SMCO3: variants seen among roughly 807,000 people sequenced by gnomAD.
SMCO3 encodes the protein single-pass membrane protein with coiled-coil domains 3, also known as single-pass membrane and coiled-coil domain-containing protein 3.
In SMCO3, 6 loss-of-function variants were observed where a neutral mutation model predicts 12.0. That is an observed-to-expected ratio of 0.50 (90% CI 0.27 to 0.99). SMCO3 has a LOEUF of 0.99. Among genes scored for constraint, SMCO3 ranks in the 50% least tolerant of loss-of-function variants. The pLI is 0.11. For synonymous variants in SMCO3, 96 were observed against 96.4 expected (o/e 1.00, Z 0.02); for missense variants, 279 against 265.0 (o/e 1.05, Z -0.37).
At chr12:14,809,689 G>C (rs1950106868) in intron 1 of SMCO3, among the ~76,000 whole-genome samples, 1 of 152,070 alleles carries the variant, frequency 6.6e-6, no homozygotes, top group African/African-American at 2.4e-5. Flanking sequence ...TCGGTATGGA[G>C]TGGGACTTTA....
chr12:14,809,503 T>A (rs1202541999), intron 1 of SMCO3, among the ~76,000 whole-genome samples: 13 of 152,184 alleles, frequency 8.5e-5, no homozygotes, highest in Non-Finnish European at 2.9e-5. Context: ...CCCTTCTATC[T>A]GTTTAATAAT....
At chr12:14,809,230 A>G (rs1950100099) in intron 1 of SMCO3, among the ~76,000 whole-genome samples, 1 of 152,236 alleles carries the variant, frequency 6.6e-6, no homozygotes, top group Admixed American at 6.5e-5. Flanking sequence ...AAATGGAGAA[A>G]TGAACCTTCC....
rs1950055316 is a variant in SMCO3, at chr12:14,806,605, G to A, written c.76C>T (p.Leu26Phe). 1 of 1,614,088 alleles carries A rather than the reference G, an allele frequency of 6.2e-7. No homozygotes were observed. The highest frequency in any genetic ancestry group is 8.5e-7 in the Non-Finnish European group (1 of 1,180,006). Residue 26 changes from leucine (L) to phenylalanine (F), a missense_variant, in exon 2 of 2, where the codon CTT becomes TTT. Physicochemically the swap from Leu to Phe is conservative, Grantham distance 22. Transcript: ENST00000316048. ...TCGAAGCTGTCAGATAAGCAATCAA[G>A]AAGCTGCTGGTGAAGACGATTTACT... The part of the protein sequence containing the change: ...EEVNRLHQQL[L>F]DCLSDSFDVT...
chr12:14,810,508 C>T (rs1350083485), intron 1 of SMCO3, among the ~76,000 whole-genome samples: 2 of 152,124 alleles, frequency 1.3e-5, no homozygotes, highest in Non-Finnish European at 2.9e-5. Context: ...ATGGTCCTTG[C>T]TTTTTTGGAA....
chr12:14,806,840 G>GT (rs1950059951), intron 1 of SMCO3, 144 bp from the exon 2 acceptor site: 4 of 785,910 alleles, frequency 5.1e-6, no homozygotes, highest in South Asian at 3.9e-5. Context: ...CACTCAACAA[G>GT]TTTTTTTAAA....
At chr12:14,810,597 A>C (rs778326540) in intron 1 of SMCO3, among the ~76,000 whole-genome samples, 2 of 152,230 alleles carry the variant, frequency 1.3e-5, no homozygotes, top group Non-Finnish European at 2.9e-5. Flanking sequence ...ACAAAATTAA[A>C]GGTACACTTG....
chr12:14,812,399 G>A (rs1247216172), intron 1 of SMCO3, among the ~76,000 whole-genome samples: 1 of 152,058 alleles, frequency 6.6e-6, no homozygotes, highest in South Asian at 2.1e-4. Flanking sequence ...AGCCGAGATT[G>A]TGCCACTGCA....
chr12:14,805,854 G>C lies in SMCO3; in HGVS notation c.*149C>G. ...GACTCAAAACTCATCTAGTCATCTA[G>C]TCTTGGCATCTCCAGTTTCCCTCTC... is the stretch of plus-strand genomic sequence containing the variant. On this transcript the variant is annotated 3_prime_UTR_variant, in exon 2 of 2. Coordinates refer to ENST00000316048, the MANE Select transcript of SMCO3 (RefSeq NM_001013698.2). 1.3e-6 allele frequency: 1 copy of C among 793,214 alleles called. No homozygotes were observed. Among genetic ancestry groups the C allele is most frequent in the Admixed American group, 2.9e-5 (1 of 34,246 alleles). 49.1% of individuals were successfully genotyped at this position (793,214 alleles called of 1,614,324 possible). A position where few individuals can be genotyped will look rare whatever the true frequency, so the allele number is the denominator to read the frequency against.
intron 1 of SMCO3, among the ~76,000 whole-genome samples, chr12:14,807,373 C>T (rs952011553): frequency 6.6e-6 from 1 of 152,178 alleles, no homozygotes; most frequent in African/African-American, 2.4e-5. Context: ...ATTACTAGTG[C>T]TCCTTAGTTT....
chr12:14,807,406 T>TGC (rs1173700832), intron 1 of SMCO3, among the ~76,000 whole-genome samples: 1 of 152,224 alleles, frequency 6.6e-6, no homozygotes, highest in Non-Finnish European at 1.5e-5. Context: ...GTCACCACAT[T>TGC]GACCACACCT....
At chr12:14,812,471 G>A (rs1373202537) in intron 1 of SMCO3, among the ~76,000 whole-genome samples, 7 of 151,780 alleles carry the variant, frequency 4.6e-5, no homozygotes, top group Non-Finnish European at 7.4e-5. Flanking sequence ...TATTGGTTAC[G>A]TATACTATTC....
intron 1 of SMCO3, among the ~76,000 whole-genome samples, chr12:14,813,072 T>C (rs1340944216): frequency 1.3e-5 from 2 of 152,208 alleles, no homozygotes; most frequent in African/African-American, 4.8e-5. Context: ...GGAAAAAAGA[T>C]TGGCCTTGTT....
intron 1 of SMCO3, among the ~76,000 whole-genome samples, chr12:14,809,651 C>G (rs1463699509): frequency 3.3e-5 from 5 of 151,604 alleles, no homozygotes; most frequent in African/African-American, 1.2e-4. Context: ...TAAATAATAG[C>G]TAGAAGAAAA....
rs1950033344 is a variant in SMCO3 at position 14,805,468 on chromosome 12, A to C, written c.*535T>G. ...CCTGTCCTAATTGAAGCACATTGTT[A>C]CAAACCATTTTTCAGTCTCTTCTAG... On this transcript the variant is annotated 3_prime_UTR_variant, in exon 2 of 2. Transcript: ENST00000316048. 1.3e-5 allele frequency: 2 copies of C among 152,666 alleles called. No homozygotes were observed. Among genetic ancestry groups the C allele is most frequent in the Non-Finnish European group, 2.9e-5 (2 of 68,412 alleles). 9.5% of individuals were successfully genotyped at this position (152,666 alleles called of 1,614,324 possible).
At chr12:14,810,406 T>C (rs17834491) in intron 1 of SMCO3, among the ~76,000 whole-genome samples, 23,757 of 152,206 alleles carry the variant, frequency 0.16, 2,164 homozygotes, top group Non-Finnish European at 0.2. Flanking sequence ...CAATTATTGA[T>C]TCATTAACAA....
In SMCO3 at chr12:14,805,843, C is replaced by T; in HGVS notation, c.*160G>A. Reference sequence around the variant, plus strand: ...CAGGCATTGTTGACTCAAAACTCATCTAGTCATCTAGTCTTGGCATCTCCA... The same window carrying T: ...CAGGCATTGTTGACTCAAAACTCATTTAGTCATCTAGTCTTGGCATCTCCA... On this transcript the variant is annotated 3_prime_UTR_variant, in exon 2 of 2. Transcript: ENST00000316048. The T allele has an allele frequency of 1.3e-6, 1 of 743,496 alleles. No homozygotes were observed. The allele number at this position is 743,496 out of a possible 1,614,324, so 46.1% of individuals were successfully genotyped here. A position where few individuals can be genotyped will look rare whatever the true frequency, so the allele number is the denominator to read the frequency against.
intron 1 of SMCO3, among the ~76,000 whole-genome samples, chr12:14,810,105 C>T (rs1170246210): frequency 6.6e-6 from 1 of 152,132 alleles, no homozygotes; most frequent in South Asian, 2.1e-4. Context: ...ATTATGTTTC[C>T]CTTATAATGA....
At position 14,806,197 on chromosome 12, in the gene SMCO3, T is replaced by C. The variant is rs1164277229; in HGVS notation, c.484A>G (p.Ser162Gly). Residue 162 changes from serine to glycine, a missense_variant, in exon 2 of 2, where the codon AGT becomes GGT. By Grantham distance (56) the Ser-to-Gly change is moderately conservative. Transcript: ENST00000316048. ...AGGCCAAGAACAGCAACTCCAATAC[T>C]ACCAAGGAGAGAAGCACCAATTTGA... ...LAQIGASLLG[S>G]IGVAVLGLGI... 3 of 1,614,120 alleles carry C rather than the reference T, an allele frequency of 1.9e-6. No individual in the cohort carries two copies. The highest frequency in any genetic ancestry group is 3.3e-5 in the Admixed American group (2 of 60,022).
chr12:14,806,421 A>T lies in SMCO3; in HGVS notation c.260T>A (p.Leu87Gln). The change falls in exon 2 of 2, where the codon CTA (leucine) becomes CAA (glutamine). Residue 87 changes from leucine (L) to glutamine (Q), a missense_variant. Physicochemically the swap from Leu to Gln is moderately radical, Grantham distance 113. Transcript: ENST00000316048. ...QKELQKVDEA[L>Q]KDKLEPTLYR... ...GAGGGTTGGCTCTAGCTTATCTTTT[A>T]GTGCTTCATCAACCTTCTGCAATTC... The T allele has an allele frequency of 6.2e-7, 1 of 1,614,202 alleles. No homozygotes were observed. Among genetic ancestry groups the T allele is most frequent in the Non-Finnish European group, 8.5e-7 (1 of 1,180,040 alleles).
Sources: allele counts gnomAD v4.1 joint callset (sites outside exome capture counted in the v4.1 genomes callset), GRCh38; gene constraint gnomAD v4.1.1; transcripts MANE v1.5; gene names NCBI Gene and HGNC (gene_info 2026-07-23, HGNC 2026-07-21).